The following EIF4E3 variants were observed in gnomAD, a reference collection of about 807,000 sequenced individuals.
The protein encoded by EIF4E3 is eukaryotic translation initiation factor 4E type 3.
Under a neutral mutation model 31.7 loss-of-function variants are expected in EIF4E3, and 26 were observed. The observed-to-expected ratio is 0.82, with a 90% CI of 0.60 to 1.14. EIF4E3 has a LOEUF of 1.14. EIF4E3 is among the 50% of genes most tolerant of loss of function. EIF4E3 has a pLI of 0.00. For missense variants in EIF4E3, 304 were observed against 270.9 expected (o/e 1.12, Z -0.86); for synonymous variants, 128 against 107.7 (o/e 1.19, Z -1.17).
intron 1 of EIF4E3, among the ~76,000 whole-genome samples, chr3:71,742,690 G>C (rs552553021): frequency 1.2e-4 from 19 of 152,072 alleles, no homozygotes; most frequent in African/African-American, 4.3e-4. Context: ...AAAACAGCTG[G>C]AGATCAATAA....
At position 71,725,106 on chromosome 3, in the gene EIF4E3, G is replaced by C; in HGVS notation, c.176+86C>G. 1 of 943,216 alleles carries C rather than the reference G, an allele frequency of 1.1e-6. No individual in the cohort carries two copies. Among genetic ancestry groups the C allele is most frequent in the Non-Finnish European group, 1.3e-6 (1 of 787,110 alleles). 58.4% of individuals were successfully genotyped at this position (943,216 alleles called of 1,614,324 possible). ...GTCTGTGCCACAGCGGAGCGGGGCC[G>C]GGGCGAGGGGCCGCGCCGAGACAAA... is the stretch of plus-strand genomic sequence containing the variant. On this transcript the variant is annotated intron_variant, in intron 1 of 6. Transcript: ENST00000425534. The surrounding 1 kb of genome is among the most constrained non-coding windows in gnomAD (Gnocchi z 6.1).
At chr3:71,746,585 C>G (rs2049875338) in intron 1 of EIF4E3, among the ~76,000 whole-genome samples, 1 of 152,200 alleles carries the variant, frequency 6.6e-6, no homozygotes, top group South Asian at 2.1e-4. Context: ...ACTAGGAGTT[C>G]ATGTTACTTG....
At chr3:71,754,185 G>T, upstream of EIF4E3, 1 of 1,438,186 alleles carries the variant, frequency 7.0e-7, no homozygotes, top group Non-Finnish European at 9.2e-7. The surrounding 1 kb of genome is among the most constrained non-coding windows in gnomAD (Gnocchi z 5.8). Flanking sequence ...GATCGTGCGG[G>T]AGCGCAGCCT....
At position 71,710,703 on chromosome 3, in the gene EIF4E3, A is replaced by T. The variant is rs544679190; in HGVS notation, c.177-219T>A. Among the ~76,000 whole-genome samples the T allele has an allele frequency of 5.3e-5, 8 of 152,242 alleles. No individual in the cohort carries two copies. In the East Asian group the frequency reaches 1.5e-3, roughly 29 times the overall value. Reference sequence around the variant, plus strand: ...AAAATCAGCAGATTTATTCTTGGAAACTTAACAGAAAAAAAAAGATAAGTA... The same window carrying T: ...AAAATCAGCAGATTTATTCTTGGAATCTTAACAGAAAAAAAAAGATAAGTA... On this transcript the variant is annotated intron_variant, in intron 1 of 6. Transcript: ENST00000425534.
intron 4 of EIF4E3, among the ~76,000 whole-genome samples, chr3:71,694,860 G>GCTTA (rs2049113363): frequency 6.6e-6 from 1 of 152,118 alleles, no homozygotes; most frequent in African/African-American, 2.4e-5. Flanking sequence ...TGCACAAAGG[G>GCTTA]CTTAGTACAA....
intron 1 of EIF4E3, among the ~76,000 whole-genome samples, chr3:71,712,845 C>A (rs2049402233): frequency 8.4e-6 from 1 of 118,466 alleles, no homozygotes; most frequent in African/African-American, 3.3e-5. Context: ...TACCATTTAA[C>A]CTAGACCAAA....
upstream of EIF4E3, chr3:71,754,427 C>T: frequency 7.4e-7 from 1 of 1,358,874 alleles, no homozygotes; most frequent in Non-Finnish European, 9.5e-7. This position sits in a 1 kb window ranked among gnomAD's most constrained non-coding sequence, Gnocchi z 5.8. Flanking sequence ...CCATCGCGCA[C>T]CACCGCTTCT....
At position 71,693,897 on chromosome 3, in the gene EIF4E3, C is replaced by T; in HGVS notation, c.450G>A (p.Gln150=). Residue 150 remains glutamine (Q), a synonymous_variant, in exon 5 of 7, where the codon CAG becomes CAA. Transcript: ENST00000425534. The stretch of plus-strand genomic sequence containing the variant: ...TACCTGCTGCGGCACAGTCTGTGAA[C>T]TGTTCCCCGATGGTTGCTAACAGCA... ...KELLLATIGE[Q]FTDCAAADDE... 6.3e-7 allele frequency: 1 copy of T among 1,584,120 alleles called. No homozygotes were observed. The highest frequency in any genetic ancestry group is 8.6e-7 in the Non-Finnish European group (1 of 1,164,946).
At chr3:71,692,043 T>C (rs1044521574) in intron 5 of EIF4E3, among the ~76,000 whole-genome samples, 1 of 152,158 alleles carries the variant, frequency 6.6e-6, no homozygotes, top group African/African-American at 2.4e-5. Context: ...AATATTTCAG[T>C]TTGGTTTGGC....
At chr3:71,727,849 A>C (rs981361397), upstream of EIF4E3, among the ~76,000 whole-genome samples, 18 of 152,244 alleles carry the variant, frequency 1.2e-4, no homozygotes, top group Admixed American at 9.2e-4. Flanking sequence ...TATCCTCAGC[A>C]AAAAAGGGCT....
At chr3:71,686,014 C>T (rs1043200893) in intron 6 of EIF4E3, among the ~76,000 whole-genome samples, 1 of 152,146 alleles carries the variant, frequency 6.6e-6, no homozygotes, top group Admixed American at 6.5e-5. Flanking sequence ...GGTCTTGCTG[C>T]TCTGTCACCC....
intron 1 of EIF4E3, 91 bp from the exon 2 acceptor site, chr3:71,710,575 A>T: frequency 7.7e-7 from 1 of 1,300,988 alleles, no homozygotes; most frequent in East Asian, 2.6e-5. Context: ...ACGTCTTCCT[A>T]AAAATCAGGT....
intron 1 of EIF4E3, among the ~76,000 whole-genome samples, chr3:71,751,068 A>G (rs1348413083): frequency 6.6e-6 from 1 of 151,934 alleles, no homozygotes; most frequent in Admixed American, 6.6e-5. Context: ...GGCCTCTACA[A>G]ATAATTTTTT....
chr3:71,690,088 A>G lies in EIF4E3; in HGVS notation c.550T>C (p.Leu184=), dbSNP rs1456647415. 6.2e-7 allele frequency: 1 copy of G among 1,613,938 alleles called. No individual in the cohort carries two copies. Among genetic ancestry groups the G allele is most frequent in the South Asian group, 1.1e-5 (1 of 91,072 alleles). ...VVQVWNVNAS[L]VGEATVLEKI... Reference sequence around the variant, plus strand: ...TCTAAAACAGTCGCTTCACCCACTAAAGAGGCATTTACATTCCAGACTTGG... The same window carrying G: ...TCTAAAACAGTCGCTTCACCCACTAGAGAGGCATTTACATTCCAGACTTGG... The change falls in exon 6 of 7, where the codon TTA becomes CTA. Residue 184 remains leucine, a synonymous_variant. Transcript: ENST00000425534.
intron 4 of EIF4E3, 141 bp from the exon 5 acceptor site, chr3:71,694,082 C>A: frequency 2.8e-6 from 2 of 705,090 alleles, no homozygotes; most frequent in Non-Finnish European, 4.4e-6. Context: ...ACAGACACCT[C>A]CAAATCCTAG....
the EIF4E3 span, among the ~76,000 whole-genome samples, chr3:71,660,058 G>T: frequency 6.6e-6 from 1 of 152,188 alleles, no homozygotes; most frequent in East Asian, 1.9e-4. Context: ...TTAATCAAAT[G>T]CCCAGGCAGT....
chr3:71,735,834 C>A (rs2108142637), intron 1 of EIF4E3, among the ~76,000 whole-genome samples: 1 of 151,778 alleles, frequency 6.6e-6, no homozygotes, highest in Non-Finnish European at 1.5e-5. Flanking sequence ...AAAACATTTT[C>A]ATGTTTTACT....
intron 1 of EIF4E3, among the ~76,000 whole-genome samples, chr3:71,714,242 A>G (rs184416061): frequency 0.08 from 10,562 of 131,484 alleles, 429 homozygotes; most frequent in Non-Finnish European, 0.091. Flanking sequence ...GGGAAGAAGG[A>G]AAGGAAGGAA....
At chr3:71,754,526 G>A, upstream of EIF4E3, 1 of 1,340,650 alleles carries the variant, frequency 7.5e-7, no homozygotes, top group Non-Finnish European at 9.6e-7. This position sits in a 1 kb window ranked among gnomAD's most constrained non-coding sequence, Gnocchi z 5.8. Flanking sequence ...TCCCGCCAGT[G>A]CTGGACGGCG....
Sources: gnomAD v4.1 joint callset for allele counts (sites outside exome capture counted in the v4.1 genomes callset) on GRCh38, gnomAD v4.1.1 for gene constraint, Gnocchi (gnomAD v3.1) non-coding constraint, MANE v1.5 for transcripts, NCBI Gene and HGNC (gene_info 2026-07-23, HGNC 2026-07-21) for gene names.